DDX5: variants seen among roughly 807,000 people sequenced by gnomAD.
The protein encoded by DDX5 is DEAD-box helicase 5.
DDX5 carries 6 observed loss-of-function variants against 68.6 expected under a neutral mutation model. The observed-to-expected ratio is 0.09, with a 90% CI of 0.05 to 0.17. DDX5 has a LOEUF of 0.17. Among genes scored for constraint, DDX5 ranks in the 10% least tolerant of loss-of-function variants. The pLI is 1.00. For missense variants in DDX5, 499 were observed against 756.1 expected (o/e 0.66, Z 3.99); for synonymous variants, 350 against 247.0 (o/e 1.42, Z -3.91).
chr17:64,505,949 G>T, intron 1 of DDX5, 127 bp downstream of exon 1: 1 of 1,536,514 alleles, frequency 6.5e-7, no homozygotes, highest in Admixed American at 2.0e-5. Context: ...CAAGCCTTCG[G>T]GAAAGGAAGT....
rs782283857 is a variant in DDX5, at chr17:64,506,144, G to A, written c.-25C>T. On this transcript the variant is annotated 5_prime_UTR_variant, in exon 1 of 13. Coordinates refer to ENST00000225792, the MANE Select transcript of DDX5 (RefSeq NM_004396.5). ...TGGCGTCAATGGTTGCGGTTGGCGGGGAACGAAGTATATAGAAAAGCGTGC... is the reference window on the plus strand; with the variant it reads ...TGGCGTCAATGGTTGCGGTTGGCGGAGAACGAAGTATATAGAAAAGCGTGC... 2.4e-5 allele frequency: 39 copies of A among 1,608,856 alleles called. No homozygotes were observed. The highest frequency in any genetic ancestry group is 3.2e-5 in the Non-Finnish European group (38 of 1,177,970).
At chr17:64,500,528 T>C in intron 12 of DDX5, 21 bp downstream of exon 12, 1 of 1,603,748 alleles carries the variant, frequency 6.2e-7, no homozygotes, top group South Asian at 1.1e-5. Context: ...ACTACCAACA[T>C]TTCCTATCAG....
chr17:64,502,596 A>G (rs1468553132), intron 8 of DDX5, 47 bp from the exon 9 acceptor site: 9 of 1,344,288 alleles, frequency 6.7e-6, no homozygotes, highest in Non-Finnish European at 8.5e-6. Flanking sequence ...TTAAAAGACC[A>G]TTGCTAGGGC....
At chr17:64,500,962 G>A (rs2038283945) in intron 11 of DDX5, 189 bp from the exon 12 acceptor site, 5 of 599,712 alleles carry the variant, frequency 8.3e-6, no homozygotes, top group Non-Finnish European at 1.2e-5. Flanking sequence ...AAAAGCACAT[G>A]TCATCTGTAT....
In DDX5 at chr17:64,500,391, G is replaced by C. The variant is rs782312073; in HGVS notation, c.1442-65C>G. 9.0e-6 allele frequency: 14 copies of C among 1,553,104 alleles called. No homozygotes were observed. The South Asian group carries it at 1.1e-4, about 12-fold the overall frequency. Reference sequence around the variant, plus strand: ...TGACACAAATCATTGTGGACAGAAAGAAACAGATCTATTCATGGTAGGCGT... The same window carrying C: ...TGACACAAATCATTGTGGACAGAAACAAACAGATCTATTCATGGTAGGCGT... On this transcript the variant is annotated intron_variant, in intron 12 of 12. Coordinates refer to ENST00000225792, the MANE Select transcript of DDX5 (RefSeq NM_004396.5).
Position 64,500,161 on chromosome 17 carries a change from C to G in DDX5, c.1607G>C (p.Ser536Thr). ...FGAKTQNGVY[S>T]AANYTNGSFG... is the part of the protein sequence containing the mutation. ...GCTCCCATTGGTGTAATTTGCAGCA[C>G]TGTAAACACCATTCTGAGTTTTTGC... Residue 536 changes from serine to threonine, a missense_variant, in exon 13 of 13, where the codon AGT becomes ACT. By Grantham distance (58) the Ser-to-Thr change is moderately conservative. This residue lies in a region of DDX5 where 171 missense variants were observed against 174.8 expected (regional missense o/e 0.98). Coordinates refer to ENST00000225792, the MANE Select transcript of DDX5 (RefSeq NM_004396.5). 1 of 1,614,214 alleles carries G rather than the reference C, an allele frequency of 6.2e-7. No homozygotes were observed. The highest frequency in any genetic ancestry group is 8.5e-7 in the Non-Finnish European group (1 of 1,180,040).
chr17:64,506,019 G>GTGCCCCCCCCCCCA, intron 1 of DDX5, 57 bp downstream of exon 1: 7 of 1,360,344 alleles, frequency 5.1e-6, no homozygotes, highest in Admixed American at 2.0e-5. Flanking sequence ...CCGCCACCCT[G>GTGCCCCCCCCCCCA]ACCCGCCCTC....
intron 10 of DDX5, 28 bp downstream of exon 10, chr17:64,502,134 G>A (rs782479565): frequency 1.6e-5 from 26 of 1,613,630 alleles, no homozygotes; most frequent in Middle Eastern, 1.6e-4. Flanking sequence ...TAAGTAAGGG[G>A]GAAAAATACT....
chr17:64,499,738 C>A lies in DDX5; in HGVS notation c.*185G>T, dbSNP rs1483525808. The A allele has an allele frequency of 1.2e-5, 6 of 505,310 alleles. No individual in the cohort carries two copies. Among genetic ancestry groups the A allele is most frequent in the Non-Finnish European group, 2.0e-5 (6 of 303,802 alleles). The allele number at this position is 505,310 out of a possible 1,614,324, so 31.3% of individuals were successfully genotyped here. On this transcript the variant is annotated 3_prime_UTR_variant, in exon 13 of 13. Transcript: ENST00000225792. ...CCTGCATTTTCTAGTACAAAAAAAA[C>A]CTAAAAATTGTTTCAGGAATGTAGA...
rs1555671310 is a variant in DDX5, at chr17:64,502,561, A to G, written c.984-12T>C. 8 of 1,578,704 alleles carry G rather than the reference A, an allele frequency of 5.1e-6. No individual in the cohort carries two copies. Among genetic ancestry groups the G allele is most frequent in the Admixed American group, 1.7e-5 (1 of 58,826 alleles). On this transcript the variant is annotated splice_polypyrimidine_tract_variant and intron_variant, in intron 8 of 12. Coordinates refer to ENST00000225792, the MANE Select transcript of DDX5 (RefSeq NM_004396.5). ...TTAGACGAATAAGTCTAATAATAGG[A>G]GAGAGAAAGGAAAAATCCTGAGTTT...
upstream of DDX5, chr17:64,506,814 C>T (rs75470037): frequency 2.3e-3 from 1,334 of 577,242 alleles, 14 homozygotes; most frequent in African/African-American, 0.021. Flanking sequence ...GTGGACCGTC[C>T]GACCCGCGTG....
intron 1 of DDX5, 150 bp from the exon 2 acceptor site, chr17:64,504,992 C>CTT (rs2038398547): frequency 1.6e-6 from 1 of 620,752 alleles, no homozygotes; most frequent in Middle Eastern, 4.4e-4. Context: ...ATCTCTCTCT[C>CTT]TCTCAACAGC....
chr17:64,506,534 C>T (rs2038535605), upstream of DDX5: 2 of 610,754 alleles, frequency 3.3e-6, no homozygotes, highest in African/African-American at 1.9e-5. Flanking sequence ...TCTTTCCACA[C>T]CTCAAGCAAG....
At chr17:64,502,578 C>A (rs374155557) in intron 8 of DDX5, 29 bp from the exon 9 acceptor site, 3 of 1,534,284 alleles carry the variant, frequency 2.0e-6, no homozygotes, top group South Asian at 1.1e-5. Flanking sequence ...AAGGAAAAAT[C>A]CTGAGTTTTA....
intron 11 of DDX5, 70 bp downstream of exon 11, chr17:64,501,940 A>C (rs1598147848): frequency 2.0e-6 from 3 of 1,485,106 alleles, no homozygotes; most frequent in Admixed American, 3.6e-5. Context: ...AGAAAGCAAT[A>C]AACTTTCTTT....
intron 1 of DDX5, 59 bp downstream of exon 1, chr17:64,506,017 C>CTT: frequency 1.5e-5 from 22 of 1,510,826 alleles, no homozygotes; most frequent in Non-Finnish European, 1.9e-5. Context: ...GGCCGCCACC[C>CTT]TGACCCGCCC....
chr17:64,502,388 T>C (rs782064342), intron 9 of DDX5, 51 bp downstream of exon 9: 102 of 1,497,712 alleles, frequency 6.8e-5, no homozygotes, highest in Non-Finnish European at 8.3e-5. Context: ...AAGTTTGCCC[T>C]TTCCTAAGCT....
chr17:64,505,474 G>C (rs1347965376), intron 1 of DDX5: 6 of 573,612 alleles, frequency 1.0e-5, no homozygotes, highest in East Asian at 5.7e-5. Flanking sequence ...GAGTCGGCCG[G>C]GCGGCGTTCC....
rs1555671625 is a variant in DDX5, at chr17:64,504,058, A to C, written c.366T>G (p.Ala122=). 1 of 1,614,198 alleles carries C rather than the reference A, an allele frequency of 6.2e-7. No homozygotes were observed. ...CACTTAGAGCAACTGGCCATCCCTG[A>C]GCTTGAATAGCAGTGGGTTCAGTGA... ...QNFTEPTAIQ[A]QGWPVALSGL... The change falls in exon 4 of 13, where the codon GCT becomes GCG. Residue 122 remains alanine (A), a synonymous_variant. Transcript: ENST00000225792.
Sources: gnomAD v4.1 joint callset for allele counts on GRCh38, gnomAD v4.1.1 for gene constraint, gnomAD v4.1.1 regional missense constraint, MANE v1.5 for transcripts, NCBI Gene and HGNC (gene_info 2026-07-23, HGNC 2026-07-21) for gene names.